The following PWWP3A variants were observed in gnomAD, a reference collection of about 807,000 sequenced individuals.
The protein encoded by PWWP3A is PWWP domain containing 3A, DNA repair factor.
A neutral mutation model predicts 79.0 loss-of-function variants in PWWP3A; 53 were observed. That is an observed-to-expected ratio of 0.67 (90% CI 0.54 to 0.84). The LOEUF (loss-of-function observed/expected upper bound fraction) is 0.84. Ranked by LOEUF, PWWP3A falls within the 40% of genes least tolerant of loss-of-function variation. The pLI, the probability that PWWP3A is intolerant of heterozygous loss-of-function variation, is 0.00. For synonymous variants in PWWP3A, 443 were observed against 394.4 expected (o/e 1.12, Z -1.46); for missense variants, 973 against 948.0 (o/e 1.03, Z -0.35).
chr19:1,369,635 C>T lies in PWWP3A; in HGVS notation c.1538C>T (p.Ala513Val), dbSNP rs764670103. ...SFAGSFLEYY[A>V]ADISYPVRKS... The stretch of plus-strand genomic sequence containing the variant: ...GCTGGCTCTTTCCTGGAATATTACG[C>T]GGCTGATATAAGTAAGTCTACAGGC... The change falls in exon 11 of 14, where the codon GCG becomes GTG. Residue 513 changes from alanine (A) to valine (V), a missense_variant. Ala to Val is a moderately conservative substitution (Grantham distance 64, BLOSUM62 0). Transcript: ENST00000591337. This position sits in a 1 kb window ranked among gnomAD's most constrained non-coding sequence, Gnocchi z 4.0. The T allele has an allele frequency of 1.4e-5, 23 of 1,614,094 alleles. No individual in the cohort carries two copies. Among genetic ancestry groups the T allele is most frequent in the Admixed American group, 6.7e-5 (4 of 60,006 alleles).
intron 6 of PWWP3A, among the ~76,000 whole-genome samples, chr19:1,363,381 C>T (rs1426888257): frequency 6.6e-6 from 1 of 152,258 alleles, no homozygotes; most frequent in Non-Finnish European, 1.5e-5. Context: ...CTCACCAAAC[C>T]CTGCCCCACC....
chr19:1,358,690 A>G (rs2144697466), intron 4 of PWWP3A: 1 of 1,520,638 alleles, frequency 6.6e-7, no homozygotes, highest in East Asian at 2.5e-5. Context: ...TGACGCCCAG[A>G]ATGGTCAGTG....
intron 8 of PWWP3A, 59 bp from the exon 9 acceptor site, chr19:1,367,101 G>A: frequency 7.0e-7 from 1 of 1,420,002 alleles, no homozygotes; most frequent in South Asian, 1.2e-5. Flanking sequence ...ACAGGGAAAG[G>A]TTTTTAGCTT....
chr19:1,363,248 A>G (rs1490473026), intron 6 of PWWP3A, among the ~76,000 whole-genome samples: 1 of 152,138 alleles, frequency 6.6e-6, no homozygotes, highest in African/African-American at 2.4e-5. Flanking sequence ...CTTTTCCATC[A>G]TTGAAAGGGC....
chr19:1,365,311 T>TGCC (rs2082105221), intron 7 of PWWP3A, among the ~76,000 whole-genome samples: 1 of 152,254 alleles, frequency 6.6e-6, no homozygotes, highest in South Asian at 2.1e-4. Flanking sequence ...TCTCTGCTTC[T>TGCC]GTCTCTGCAG....
chr19:1,366,367 C>T lies in PWWP3A; in HGVS notation c.1347C>T (p.Asn449=), dbSNP rs1251018235. 3 of 1,614,136 alleles carry T rather than the reference C, an allele frequency of 1.9e-6. No homozygotes were observed. The highest frequency in any genetic ancestry group is 1.1e-5 in the South Asian group (1 of 91,076). ...ASVLYIEGHM[N]PKMKGFTVSL... ...TGCTATACATCGAAGGACACATGAA[C>T]CCGAAAATGAAAGGGTAACCCGCTG... is the stretch of plus-strand genomic sequence containing the variant. The change falls in exon 8 of 14, where the codon AAC becomes AAT. Residue 449 remains asparagine, a synonymous_variant. Transcript: ENST00000591337.
rs2082171552 is a variant in PWWP3A at position 1,368,309 on chromosome 19, C to A, written c.1423-956C>A. 6.6e-6 allele frequency among the ~76,000 whole-genome samples: 1 copy of A among 152,086 alleles called. No homozygotes were observed. Among genetic ancestry groups the A allele is most frequent in the Non-Finnish European group, 1.5e-5 (1 of 68,032 alleles). On this transcript the variant is annotated intron_variant, in intron 9 of 13. Transcript: ENST00000591337. The surrounding 1 kb of genome is among the most constrained non-coding windows in gnomAD (Gnocchi z 4.7). Reference sequence around the variant, plus strand: ...CCGTGCCTTAAACGCAGAAGGGCTGCCGTTTATATCAAAAACCCTGGGTTC... The same window carrying A: ...CCGTGCCTTAAACGCAGAAGGGCTGACGTTTATATCAAAAACCCTGGGTTC...
chr19:1,360,243 A>T lies in PWWP3A; in HGVS notation c.322A>T (p.Ser108Cys). 6.2e-7 allele frequency: 1 copy of T among 1,614,078 alleles called. No individual in the cohort carries two copies. The highest frequency in any genetic ancestry group is 8.5e-7 in the Non-Finnish European group (1 of 1,179,986). ...LSEGSIWSQE[S>C]SAGTGRADRS... ...CGAGGGCTCGATTTGGAGTCAAGAAAGCTCTGCAGGGACAGGTAGAGCTGA... is the reference window on the plus strand; with the variant it reads ...CGAGGGCTCGATTTGGAGTCAAGAATGCTCTGCAGGGACAGGTAGAGCTGA... Residue 108 changes from serine (S) to cysteine (C), a missense_variant, in exon 5 of 14, where the codon AGC (serine) becomes TGC (cysteine). Physicochemically the swap from Ser to Cys is moderately radical, Grantham distance 112 (BLOSUM62 -1). Coordinates refer to ENST00000591337, the MANE Select transcript of PWWP3A (RefSeq NM_001369789.1). This position sits in a 1 kb window ranked among gnomAD's most constrained non-coding sequence, Gnocchi z 4.4.
In PWWP3A at chr19:1,369,784, T is replaced by C; in HGVS notation, c.1549+138T>C. The C allele has an allele frequency of 9.9e-7, 1 of 1,012,762 alleles. No individual in the cohort carries two copies. The allele number at this position is 1,012,762 out of a possible 1,614,324, so 62.7% of individuals were successfully genotyped here. On this transcript the variant is annotated intron_variant, in intron 11 of 13. Coordinates refer to ENST00000591337, the MANE Select transcript of PWWP3A (RefSeq NM_001369789.1). The surrounding 1 kb of genome is among the most constrained non-coding windows in gnomAD (Gnocchi z 4.0). ...CAGCCACACAGCATTGTTCAACCTCTATGAGGTTTTGATGTGACCCTGAGG... is the reference window on the plus strand; with the variant it reads ...CAGCCACACAGCATTGTTCAACCTCCATGAGGTTTTGATGTGACCCTGAGG...
rs1311032949 is a variant in PWWP3A, at chr19:1,373,104, G to A, written c.2019G>A (p.Glu673=). 4 of 1,614,132 alleles carry A rather than the reference G, an allele frequency of 2.5e-6. No homozygotes were observed. In the African/African-American group the frequency reaches 5.3e-5, roughly 22 times the overall value. Reference sequence around the variant, plus strand: ...TCTGTGCGATCTCTGCGGTGGACGAGGTGGACTACAAGACGGCTGAGGAGA... The same window carrying A: ...TCTGTGCGATCTCTGCGGTGGACGAAGTGGACTACAAGACGGCTGAGGAGA... The part of the protein sequence containing the change: ...AIICAISAVD[E]VDYKTAEEKY... The change falls in exon 13 of 14, where the codon GAG becomes GAA. Residue 673 remains glutamate, a synonymous_variant. Transcript: ENST00000591337.
intron 7 of PWWP3A, among the ~76,000 whole-genome samples, chr19:1,365,044 C>G (rs146483824): frequency 6.6e-6 from 1 of 152,062 alleles, no homozygotes; most frequent in Non-Finnish European, 1.5e-5. Context: ...GGCGTGAACC[C>G]GAGAGGTAGA....
In PWWP3A at chr19:1,371,040, G is replaced by A. The variant is rs1029655523; in HGVS notation, c.1948G>A (p.Asp650Asn). 9 of 1,572,446 alleles carry A rather than the reference G, an allele frequency of 5.7e-6. No homozygotes were observed. Among genetic ancestry groups the A allele is most frequent in the African/African-American group, 5.4e-5 (4 of 74,086 alleles). ...GAKVLQRTNG[D>N]RIRFILDVLL... ...CAAGGTGCTCCAGCGCACCAACGGC[G>A]ACCGGATCCGGTTCATTCTGGACGT... The change falls in exon 12 of 14, where the codon GAC (aspartate) becomes AAC (asparagine). Residue 650 changes from aspartate to asparagine, a missense_variant. Physicochemically the swap from Asp to Asn is conservative, Grantham distance 23 (BLOSUM62 1). Transcript: ENST00000591337.
rs1484120800 is a variant in PWWP3A at position 1,356,376 on chromosome 19, C to T, written c.-17C>T. ...CGTTGTGCCAAATCATTGCCACTTGCCACATGAGTGTAAATGATGGCGGAT... is the reference window on the plus strand; with the variant it reads ...CGTTGTGCCAAATCATTGCCACTTGTCACATGAGTGTAAATGATGGCGGAT... On this transcript the variant is annotated 5_prime_UTR_variant, in exon 2 of 14. Coordinates refer to ENST00000591337, the MANE Select transcript of PWWP3A (RefSeq NM_001369789.1). The T allele has an allele frequency of 1.2e-6, 2 of 1,613,676 alleles. No individual in the cohort carries two copies. Among genetic ancestry groups the T allele is most frequent in the Non-Finnish European group, 1.7e-6 (2 of 1,179,684 alleles).
At chr19:1,356,235 G>T in intron 1 of PWWP3A, 89 bp from the exon 2 acceptor site, 1 of 694,020 alleles carries the variant, frequency 1.4e-6, no homozygotes. Context: ...TTGAGGCTAA[G>T]TCGAGCTAAC....
At chr19:1,371,209 G>A (rs777778123) in intron 12 of PWWP3A, 131 bp downstream of exon 12, 17 of 1,025,668 alleles carry the variant, frequency 1.7e-5, no homozygotes, top group East Asian at 2.6e-5. Flanking sequence ...GAGCGTGGAG[G>A]CCTCCTGTGT....
intron 1 of PWWP3A, among the ~76,000 whole-genome samples, chr19:1,355,439 A>G (rs1183565857): frequency 1.6e-5 from 2 of 122,478 alleles, no homozygotes; most frequent in Non-Finnish European, 3.4e-5. Flanking sequence ...GTCTGCCGTG[A>G]ACCCCATCTC....
At chr19:1,376,487 A>C (rs1002930411) in intron 13 of PWWP3A, 32 bp from the exon 14 acceptor site, 2 of 1,607,356 alleles carry the variant, frequency 1.2e-6, no homozygotes, top group Non-Finnish European at 1.7e-6. Context: ...ACAATGATTA[A>C]TTACTAAAAT....
chr19:1,362,051 C>G (rs2082028377), intron 5 of PWWP3A, 199 bp from the exon 6 acceptor site: 1 of 408,594 alleles, frequency 2.4e-6, no homozygotes. Context: ...TTCCCTCCTT[C>G]CCTCCTTCCC....
chr19:1,372,758 GA>G, intron 12 of PWWP3A: 1 of 270,564 alleles, frequency 3.7e-6, no homozygotes, highest in East Asian at 8.1e-5. Flanking sequence ...CTCTGTACCA[GA>G]AAAAACCGCC....
Sources: allele counts gnomAD v4.1 joint callset (sites outside exome capture counted in the v4.1 genomes callset), GRCh38; gene constraint gnomAD v4.1.1; non-coding constraint Gnocchi (gnomAD v3.1); transcripts MANE v1.5; gene names NCBI Gene and HGNC (gene_info 2026-07-23, HGNC 2026-07-21).